The following COL21A1 variants were observed in gnomAD, a reference collection of about 807,000 sequenced individuals.
COL21A1 encodes the protein collagen alpha-1(XXI) chain.
Under a neutral mutation model 137.9 loss-of-function variants are expected in COL21A1, and 149 were observed. That is an observed-to-expected ratio of 1.08 (90% CI 0.95 to 1.24). The LOEUF (loss-of-function observed/expected upper bound fraction) is 1.24. Ranked by LOEUF, COL21A1 falls within the 50% of genes most tolerant of loss-of-function variation. COL21A1 has a pLI of 0.00. For missense variants in COL21A1, 1,167 were observed against 1,158.4 expected (o/e 1.01, Z -0.11); for synonymous variants, 456 against 391.5 (o/e 1.16, Z -1.95).
chr6:56,228,855 A>G (rs1582690715), intron 1 of COL21A1, among the ~76,000 whole-genome samples: 1 of 152,042 alleles, frequency 6.6e-6, no homozygotes, highest in Non-Finnish European at 1.5e-5. Flanking sequence ...GTTCATCCAT[A>G]TGATGGAGTA....
At chr6:56,111,838 C>T (rs1214380173) in intron 16 of COL21A1, among the ~76,000 whole-genome samples, 1 of 151,546 alleles carries the variant, frequency 6.6e-6, no homozygotes, top group Non-Finnish European at 1.5e-5. Context: ...CGTGCCATTG[C>T]ACTTCAGCCT....
chr6:56,212,178 T>C (rs1780212350), intron 1 of COL21A1, among the ~76,000 whole-genome samples: 1 of 152,098 alleles, frequency 6.6e-6, no homozygotes. Context: ...AAATGCATTA[T>C]GGTTCTTGGA....
chr6:56,363,824 C>T (rs1255475271), intron 1 of COL21A1, among the ~76,000 whole-genome samples: 1 of 152,178 alleles, frequency 6.6e-6, no homozygotes, highest in Non-Finnish European at 1.5e-5. Flanking sequence ...ACTGTGCCTT[C>T]CTTGGAAGAG....
At position 56,170,767 on chromosome 6, in the gene COL21A1, A is replaced by G. The variant is rs916195271; in HGVS notation, c.908T>C (p.Ile303Thr). ...AACTGCTATTTGTGGCCTTCCATCA[A>G]TAGTTAATATTCTCCATAAATCCCA... ...KIWDLWRILT[I>T]DGRPQIAVTL... The change falls in exon 5 of 30, where the codon ATT becomes ACT. Residue 303 changes from isoleucine (I) to threonine (T), a missense_variant. Transcript: ENST00000244728. 2.5e-6 allele frequency: 4 copies of G among 1,608,068 alleles called. No individual in the cohort carries two copies. Among genetic ancestry groups the G allele is most frequent in the African/African-American group, 2.7e-5 (2 of 74,822 alleles).
At chr6:56,393,928 C>T (rs2094034992) in intron 1 of COL21A1, 1 of 152,346 alleles carries the variant, frequency 6.6e-6, no homozygotes, top group African/African-American at 2.4e-5. Context: ...ACATGCATGC[C>T]CAATCTCCAA....
chr6:56,376,843 C>CT (rs1392898343), intron 1 of COL21A1, among the ~76,000 whole-genome samples: 1 of 118,638 alleles, frequency 8.4e-6, no homozygotes, highest in Non-Finnish European at 1.7e-5. Flanking sequence ...CCCACCCCCC[C>CT]CAAACAAGGA....
Position 56,140,293 on chromosome 6 carries a change from A to G in COL21A1, c.1542+1492T>C, listed in dbSNP as rs534988521. On this transcript the variant is annotated intron_variant, in intron 12 of 29. Coordinates refer to ENST00000244728, the MANE Select transcript of COL21A1 (RefSeq NM_030820.4). ...ATTTGCTGAGTAAGTATTCCTTTTG[A>G]TTTTGCAAATTCAGGAAAAAACACC... 1.2e-4 allele frequency among the ~76,000 whole-genome samples: 18 copies of G among 152,256 alleles called. 1 individual carries two copies. In the South Asian group the frequency reaches 3.5e-3, roughly 30 times the overall value.
At chr6:56,345,750 T>G (rs1278938865) in intron 1 of COL21A1, among the ~76,000 whole-genome samples, 3 of 152,244 alleles carry the variant, frequency 2.0e-5, no homozygotes, top group African/African-American at 7.2e-5. Flanking sequence ...AGGAGAGTTT[T>G]GGAAATATGC....
chr6:56,069,415 T>C (rs1262281214), intron 21 of COL21A1, among the ~76,000 whole-genome samples: 1 of 151,420 alleles, frequency 6.6e-6, no homozygotes, highest in Non-Finnish European at 1.5e-5. Flanking sequence ...ATAATAAAGT[T>C]GTAAAAATAA....
At chr6:56,344,091 T>C (rs1436375705) in intron 1 of COL21A1, among the ~76,000 whole-genome samples, 1 of 152,246 alleles carries the variant, frequency 6.6e-6, no homozygotes, top group African/African-American at 2.4e-5. Context: ...TTTATTTTTG[T>C]GGCTAATGTT....
At chr6:56,135,117 G>A (rs943961223) in intron 12 of COL21A1, among the ~76,000 whole-genome samples, 5 of 151,736 alleles carry the variant, frequency 3.3e-5, no homozygotes, top group Non-Finnish European at 7.4e-5. Context: ...TACAAAGATA[G>A]GAGAAAAAAA....
Position 56,325,685 on chromosome 6 carries a change from A to T in COL21A1, c.-39+68286T>A, listed in dbSNP as rs1229510802. Among the ~76,000 whole-genome samples the T allele has an allele frequency of 5.9e-3, 7 of 1,178 alleles. 3 individuals are homozygous for T. The highest frequency in any genetic ancestry group is 0.034 in the Non-Finnish European group (7 of 204). The allele number at this position is 1,178 out of a possible 152,430, so 0.8% of individuals were successfully genotyped here. On this transcript the variant is annotated intron_variant, in intron 1 of 28. Coordinates refer to the COL21A1 transcript ENST00000370819. The stretch of plus-strand genomic sequence containing the variant: ...ATTAAATATATTATATATAATAGAT[A>T]ATATAAATATATATAATATATAATA...
At chr6:56,228,428 T>C (rs1217102958) in intron 1 of COL21A1, among the ~76,000 whole-genome samples, 1 of 151,726 alleles carries the variant, frequency 6.6e-6, no homozygotes. Context: ...AGCCTCTGGC[T>C]TGAACGTCTT....
chr6:56,239,590 C>A (rs542815687), intron 1 of COL21A1, among the ~76,000 whole-genome samples: 1 of 151,518 alleles, frequency 6.6e-6, no homozygotes. Context: ...GTTGGAAAGA[C>A]CAGTGAAAAA....
At chr6:56,222,801 T>C (rs538391596) in intron 1 of COL21A1, among the ~76,000 whole-genome samples, 1 of 152,212 alleles carries the variant, frequency 6.6e-6, no homozygotes, top group Non-Finnish European at 1.5e-5. Context: ...CAGGGAATGT[T>C]TGCAAGAATT....
chr6:56,194,731 T>A (rs1778913107), intron 1 of COL21A1, among the ~76,000 whole-genome samples: 1 of 152,180 alleles, frequency 6.6e-6, no homozygotes, highest in Admixed American at 6.5e-5. Flanking sequence ...TGTTAAGGTG[T>A]ATAAAAATCA....
chr6:56,279,725 C>CT (rs1763750342), intron 1 of COL21A1, among the ~76,000 whole-genome samples: 1 of 152,204 alleles, frequency 6.6e-6, no homozygotes, highest in Non-Finnish European at 1.5e-5. Context: ...ACAACATTGT[C>CT]TGTCAGCTTT....
At chr6:56,342,835 AC>A (rs1197356713) in intron 1 of COL21A1, among the ~76,000 whole-genome samples, 4 of 152,206 alleles carry the variant, frequency 2.6e-5, no homozygotes, top group African/African-American at 9.7e-5. Flanking sequence ...ACTTTTGCCA[AC>A]GCACCACCCT....
chr6:56,373,922 T>C (rs1286333251), intron 1 of COL21A1, among the ~76,000 whole-genome samples: 1 of 152,240 alleles, frequency 6.6e-6, no homozygotes, highest in Non-Finnish European at 1.5e-5. Context: ...ATTTATTTTC[T>C]GCTTAAATCA....
Sources: gnomAD v4.1 joint callset for allele counts (sites outside exome capture counted in the v4.1 genomes callset) on GRCh38, gnomAD v4.1.1 for gene constraint, MANE v1.5 for transcripts, NCBI Gene and HGNC (gene_info 2026-07-23, HGNC 2026-07-21) for gene names.